The following NDUFAF6 variants were observed in gnomAD, a reference collection of about 807,000 sequenced individuals.
NDUFAF6 encodes the protein NADH dehydrogenase (ubiquinone) complex I, assembly factor 6.
NDUFAF6 carries 45 observed loss-of-function variants against 40.8 expected under a neutral mutation model. The ratio of observed to expected loss-of-function variants is 1.10; its 90% CI spans 0.87 to 1.42. The LOEUF (loss-of-function observed/expected upper bound fraction) is 1.42. Among genes scored for constraint, NDUFAF6 ranks in the 40% most tolerant of loss-of-function variants. The pLI, the probability that NDUFAF6 is intolerant of heterozygous loss-of-function variation, is 0.00. For missense variants in NDUFAF6, 435 were observed against 418.5 expected (o/e 1.04, Z -0.34); for synonymous variants, 185 against 155.9 (o/e 1.19, Z -1.39).
At chr8:95,094,252 G>C (rs761057804) in intron 2 of NDUFAF6, among the ~76,000 whole-genome samples, 3 of 152,056 alleles carry the variant, frequency 2.0e-5, no homozygotes, top group Admixed American at 6.5e-5. Context: ...GATTATAGGC[G>C]TGAGCCACCA....
chr8:94,933,651 G>A (rs1056052309), intron 1 of NDUFAF6, among the ~76,000 whole-genome samples: 1 of 152,036 alleles, frequency 6.6e-6, no homozygotes, highest in Non-Finnish European at 1.5e-5. Context: ...TGTAGTCCCA[G>A]CTAATCGGGA....
intron 5 of NDUFAF6, among the ~76,000 whole-genome samples, chr8:95,116,044 G>A (rs968592600): frequency 6.6e-6 from 1 of 151,942 alleles, no homozygotes; most frequent in Non-Finnish European, 1.5e-5. Context: ...AGGCTGAGGC[G>A]GAAGAATCGC....
chr8:95,053,612 CTTTTCTTTCT>C (rs1381452789), intron 8 of NDUFAF6, among the ~76,000 whole-genome samples: 47 of 151,894 alleles, frequency 3.1e-4, no homozygotes, highest in Middle Eastern at 3.4e-3. Context: ...TCCCGTTTTA[CTTTTCTTTCT>C]TTTTCTTTCT....
At chr8:95,076,602 G>A (rs558993512), downstream of NDUFAF6, among the ~76,000 whole-genome samples, 136 of 152,324 alleles carry the variant, frequency 8.9e-4, no homozygotes, top group African/African-American at 2.9e-3. Flanking sequence ...GGCCGGGCAC[G>A]GTGGCTCATG....
intron 1 of NDUFAF6, among the ~76,000 whole-genome samples, chr8:94,977,513 C>T (rs1825061584): frequency 6.9e-6 from 1 of 144,442 alleles, no homozygotes; most frequent in African/African-American, 2.5e-5. Flanking sequence ...AAGAGCAAGA[C>T]CCTGTCTCTA....
chr8:95,025,286 C>G (rs1827965759), intron 1 of NDUFAF6, 81 bp downstream of exon 1: 7 of 1,277,438 alleles, frequency 5.5e-6, no homozygotes, highest in Non-Finnish European at 7.0e-6. Flanking sequence ...TCTGGCCTGA[C>G]GTTTGAGCGA....
downstream of NDUFAF6, among the ~76,000 whole-genome samples, chr8:95,062,917 T>C (rs1036539217): frequency 1.3e-5 from 2 of 152,220 alleles, no homozygotes; most frequent in Non-Finnish European, 2.9e-5. Context: ...TTCTGTCTGA[T>C]GTGTGAAGTA....
At chr8:95,088,853 C>T (rs781152330) in intron 2 of NDUFAF6, among the ~76,000 whole-genome samples, 10 of 152,012 alleles carry the variant, frequency 6.6e-5, no homozygotes, top group Admixed American at 1.3e-4. Flanking sequence ...CTCCGCCTCC[C>T]GGGCTCAAGT....
chr8:95,055,517 A>G (rs1832014169), intron 8 of NDUFAF6, among the ~76,000 whole-genome samples: 1 of 152,168 alleles, frequency 6.6e-6, no homozygotes. Context: ...TCTATACCTT[A>G]ATTTTGTTAA....
exon 10 of NDUFAF6, chr8:95,075,768 A>C (rs779641896): frequency 9.2e-6 from 11 of 1,199,526 alleles, no homozygotes; most frequent in Non-Finnish European, 1.2e-5. Context: ...TGAGCTTGGA[A>C]ACCTTCTTGC....
At chr8:95,034,698 A>ATGAAATATCC (rs1202755474) in intron 2 of NDUFAF6, 3 of 152,456 alleles carry the variant, frequency 2.0e-5, no homozygotes, top group African/African-American at 7.2e-5. Context: ...AGAAGGAGGC[A>ATGAAATATCC]TGAAATATCC....
chr8:94,943,927 G>A (rs971223090), intron 1 of NDUFAF6, among the ~76,000 whole-genome samples: 1 of 152,190 alleles, frequency 6.6e-6, no homozygotes, highest in Non-Finnish European at 1.5e-5. Context: ...CTCTATGTAA[G>A]AACAATCAGA....
intron 2 of NDUFAF6, among the ~76,000 whole-genome samples, chr8:95,015,792 A>G (rs764599020): frequency 4.4e-4 from 67 of 152,242 alleles, no homozygotes; most frequent in Non-Finnish European, 7.6e-4. Flanking sequence ...ACTGTGTTCT[A>G]TTAGAGAAAT....
downstream of NDUFAF6, among the ~76,000 whole-genome samples, chr8:95,079,783 C>T (rs527362801): frequency 3.5e-4 from 53 of 150,886 alleles, no homozygotes; most frequent in South Asian, 1.7e-3. Flanking sequence ...GCTGCAATCT[C>T]GGCCCATTGC....
At chr8:95,047,236 G>A in intron 6 of NDUFAF6, 109 bp downstream of exon 6, 1 of 1,435,302 alleles carries the variant, frequency 7.0e-7, no homozygotes, top group Non-Finnish European at 9.6e-7. Flanking sequence ...TGAAAGGAAT[G>A]CTTATTGCTT....
chr8:94,940,010 C>G (rs1250818876), intron 1 of NDUFAF6: 1 of 1,614,054 alleles, frequency 6.2e-7, no homozygotes, highest in African/African-American at 1.3e-5. Context: ...AGTGGTTAAT[C>G]CACCTGCAGT....
At chr8:94,991,988 T>C (rs897376223) in intron 2 of NDUFAF6, among the ~76,000 whole-genome samples, 1 of 152,250 alleles carries the variant, frequency 6.6e-6, no homozygotes, top group Admixed American at 6.5e-5. Flanking sequence ...AAAGGGTTTA[T>C]ACATTTGAAG....
At chr8:95,098,167 G>A (rs560118566), upstream of NDUFAF6, among the ~76,000 whole-genome samples, 16 of 152,284 alleles carry the variant, frequency 1.1e-4, no homozygotes, top group African/African-American at 3.6e-4. Flanking sequence ...TGCTACATCT[G>A]GAGCGTTCCT....
chr8:95,116,700 T>C (rs74501486), downstream of NDUFAF6, among the ~76,000 whole-genome samples: 2,196 of 152,248 alleles, frequency 0.014, 52 homozygotes, highest in African/African-American at 0.051. Flanking sequence ...AAAAAGTACA[T>C]GTATTTAAGA....
Sources: allele counts gnomAD v4.1 joint callset (sites outside exome capture counted in the v4.1 genomes callset), GRCh38; gene constraint gnomAD v4.1.1; transcripts MANE v1.5; gene names NCBI Gene and HGNC (gene_info 2026-07-23, HGNC 2026-07-21).